PUM1: variants seen among roughly 807,000 people sequenced by gnomAD.
PUM1 encodes the protein pumilio RNA binding family member 1, also known as pumilio homolog 1.
PUM1 carries 13 observed loss-of-function variants against 131.8 expected under a neutral mutation model. The ratio of observed to expected loss-of-function variants is 0.10; its 90% confidence interval spans 0.06 to 0.16. The LOEUF (loss-of-function observed/expected upper bound fraction) is 0.16, where lower values mean the gene tolerates loss of function less well. Among genes scored for constraint, PUM1 ranks in the 10% least tolerant of loss-of-function variants. The probability of loss-of-function intolerance (pLI) is 1.00; values close to 1 mark genes in which losing one functional copy is unlikely to be tolerated. For missense variants in PUM1, 961 were observed against 1,512.4 expected, an observed-to-expected ratio of 0.64 and a Z score of 6.05; for synonymous variants, 509 against 556.5, an observed-to-expected ratio of 0.91 and a Z score of 1.20.
At chr1:30,997,607 T>C (rs1018354365) in intron 5 of PUM1, among the ~76,000 whole-genome samples, 1 of 151,768 alleles carries the variant, frequency 6.6e-6, no homozygotes, top group African/African-American at 2.4e-5. Flanking sequence ...GTCATATCAA[T>C]GCTCTGCATT....
At chr1:30,987,195 A>ATTTT (rs35752234) in intron 7 of PUM1, among the ~76,000 whole-genome samples, 1 of 140,890 alleles carries the variant, frequency 7.1e-6, no homozygotes, top group African/African-American at 2.6e-5. Context: ...CTAGTAACAA[A>ATTTT]TTTTTTTTTT....
chr1:30,980,716 CATTAAAA>C (rs1203736382), intron 8 of PUM1, among the ~76,000 whole-genome samples: 1 of 151,568 alleles, frequency 6.6e-6, no homozygotes, highest in East Asian at 1.9e-4. Context: ...CATTTTGACA[CATTAAAA>C]AAAAAAATTC....
intron 2 of PUM1, among the ~76,000 whole-genome samples, chr1:31,031,068 G>A (rs188666665): frequency 6.6e-6 from 1 of 152,260 alleles, no homozygotes; most frequent in Admixed American, 6.5e-5. Flanking sequence ...ATTATTAGAT[G>A]AGCACAATAA....
At position 30,939,230 on chromosome 1, in the gene PUM1, G is replaced by A. The variant is rs117429033; in HGVS notation, c.3242+1921C>T. Among the ~76,000 whole-genome samples, 778 of 152,288 alleles carry A rather than the reference G, an allele frequency of 5.1e-3. 5 individuals carry two copies. The highest frequency in any genetic ancestry group is 0.032 in the East Asian group (168 of 5,190). ...CTGCTATGTTCCACCAAAGAGAAGT[G>A]CCCTCCACTCCTGTTTTAGTGCAGT... is the stretch of plus-strand genomic sequence containing the variant. On this transcript the variant is annotated intron_variant, in intron 20 of 21. Coordinates refer to ENST00000426105, the MANE Select transcript of PUM1 (RefSeq NM_001020658.2).
chr1:31,000,526 T>C (rs560678770), intron 5 of PUM1, among the ~76,000 whole-genome samples: 2 of 152,214 alleles, frequency 1.3e-5, no homozygotes, highest in Non-Finnish European at 2.9e-5. Flanking sequence ...CATGCACTTA[T>C]GGCTCAACTT....
chr1:30,979,061 G>A (rs953773798), intron 9 of PUM1, among the ~76,000 whole-genome samples: 5 of 147,776 alleles, frequency 3.4e-5, no homozygotes, highest in East Asian at 2.0e-4. Context: ...CTGTATTCAC[G>A]CCACTGCATC....
chr1:31,063,399 G>A (rs1022709417), intron 1 of PUM1, among the ~76,000 whole-genome samples: 3 of 152,234 alleles, frequency 2.0e-5, no homozygotes, highest in Middle Eastern at 3.4e-3. Flanking sequence ...GGCAACTCCA[G>A]TCCCTAACAG....
intron 7 of PUM1, among the ~76,000 whole-genome samples, chr1:30,991,242 C>T (rs528283203): frequency 4.6e-5 from 7 of 152,242 alleles, no homozygotes; most frequent in African/African-American, 1.7e-4. Context: ...GGGAGGCAGG[C>T]ATACCTACTA....
At chr1:31,047,635 T>C (rs921449037) in intron 2 of PUM1, among the ~76,000 whole-genome samples, 11 of 152,174 alleles carry the variant, frequency 7.2e-5, no homozygotes, top group African/African-American at 2.7e-4. Flanking sequence ...AAAGGTGTCA[T>C]GAAAAACAAG....
intron 7 of PUM1, among the ~76,000 whole-genome samples, chr1:30,985,244 G>C (rs921164915): frequency 1.3e-5 from 2 of 152,220 alleles, no homozygotes; most frequent in African/African-American, 4.8e-5. Flanking sequence ...TGAATGGGGA[G>C]AGCACCCCCA....
At chr1:30,943,103 T>C (rs1639526319) in intron 18 of PUM1, among the ~76,000 whole-genome samples, 1 of 152,188 alleles carries the variant, frequency 6.6e-6, no homozygotes, top group Non-Finnish European at 1.5e-5. Flanking sequence ...ATCGTAAAGA[T>C]AAATAGTATA....
At chr1:31,058,918 C>T (rs983248269) in intron 2 of PUM1, among the ~76,000 whole-genome samples, 1 of 151,684 alleles carries the variant, frequency 6.6e-6, no homozygotes, top group Non-Finnish European at 1.5e-5. Flanking sequence ...TGCAGTGAGC[C>T]GAGATCAAGC....
chr1:31,027,511 G>A (rs1643269602), intron 3 of PUM1, among the ~76,000 whole-genome samples: 1 of 152,084 alleles, frequency 6.6e-6, no homozygotes, highest in African/African-American at 2.4e-5. Context: ...AGTGACATTA[G>A]GCAGGCACAG....
intron 16 of PUM1, among the ~76,000 whole-genome samples, chr1:30,950,629 G>T (rs898904888): frequency 6.6e-6 from 1 of 152,256 alleles, no homozygotes; most frequent in Non-Finnish European, 1.5e-5. Flanking sequence ...GGAGGCCAAG[G>T]AGGGTGGATC....
At chr1:30,998,233 AACTC>A (rs1642055804) in intron 5 of PUM1, among the ~76,000 whole-genome samples, 1 of 152,254 alleles carries the variant, frequency 6.6e-6, no homozygotes, top group Non-Finnish European at 1.5e-5. Context: ...AGAAAAAAGA[AACTC>A]AAGAAATCAA....
At chr1:30,955,208 C>T (rs1292179279) in intron 14 of PUM1, among the ~76,000 whole-genome samples, 1 of 151,368 alleles carries the variant, frequency 6.6e-6, no homozygotes, top group African/African-American at 2.4e-5. Context: ...GTAATCCTGA[C>T]ACTTTGGGAG....
chr1:31,041,331 C>T (rs1029994686), intron 2 of PUM1, among the ~76,000 whole-genome samples: 2 of 152,032 alleles, frequency 1.3e-5, no homozygotes, highest in African/African-American at 4.8e-5. Context: ...CCCACCTTGG[C>T]CTCCCAAAGT....
chr1:30,992,047 C>A (rs1448939818), intron 7 of PUM1, among the ~76,000 whole-genome samples: 6 of 152,178 alleles, frequency 3.9e-5, no homozygotes, highest in African/African-American at 1.4e-4. Flanking sequence ...ACAAAACAAA[C>A]CAACAGCATC....
chr1:31,025,701 G>A (rs936749391), intron 3 of PUM1, among the ~76,000 whole-genome samples: 6 of 151,696 alleles, frequency 4.0e-5, no homozygotes, highest in East Asian at 1.9e-4. Context: ...GACTACAGGC[G>A]CACACCATCA....
Sources: gnomAD v4.1 joint callset for allele counts (sites outside exome capture counted in the v4.1 genomes callset) on GRCh38, gnomAD v4.1.1 for gene constraint, MANE v1.5 for transcripts, NCBI Gene and HGNC (gene_info 2026-07-23, HGNC 2026-07-21) for gene names.